The following GLG1 variants were observed in gnomAD, a reference collection of about 807,000 sequenced individuals.
GLG1 encodes golgi glycoprotein 1, also known as Golgi apparatus protein 1.
Under a neutral mutation model 160.5 loss-of-function variants are expected in GLG1, and 38 were observed. The observed-to-expected ratio is 0.24, with a 90% confidence interval of 0.18 to 0.31. The LOEUF (loss-of-function observed/expected upper bound fraction) is 0.31. Among genes scored for constraint, GLG1 ranks in the 10% least tolerant of loss-of-function variants. The pLI, the probability that GLG1 is intolerant of heterozygous loss-of-function variation, is 1.00. For synonymous variants in GLG1, 644 were observed against 543.4 expected, an observed-to-expected ratio of 1.19 and a Z score of -2.57; for missense variants, 1,373 against 1,505.2, an observed-to-expected ratio of 0.91 and a Z score of 1.45.
intron 1 of GLG1, among the ~76,000 whole-genome samples, chr16:74,592,301 C>T (rs761684725): frequency 6.6e-6 from 1 of 152,184 alleles, no homozygotes; most frequent in Non-Finnish European, 1.5e-5. Flanking sequence ...TGCCACCACA[C>T]CTTGCTGATT....
chr16:74,523,406 T>C (rs2017234305), intron 2 of GLG1, among the ~76,000 whole-genome samples: 1 of 152,166 alleles, frequency 6.6e-6, no homozygotes. Flanking sequence ...TGCTTGGTTC[T>C]TCAAGATCGC....
At chr16:74,568,388 G>A (rs936352833) in intron 1 of GLG1, among the ~76,000 whole-genome samples, 4 of 124,506 alleles carry the variant, frequency 3.2e-5, no homozygotes, top group Non-Finnish European at 6.5e-5. Flanking sequence ...CTCTGATAAA[G>A]CAGAAAGAAG....
intron 1 of GLG1, among the ~76,000 whole-genome samples, chr16:74,543,366 C>T (rs1167104740): frequency 1.3e-5 from 2 of 152,180 alleles, no homozygotes; most frequent in Non-Finnish European, 2.9e-5. Flanking sequence ...ACTTGGGAGG[C>T]TGAGGTGGAC....
chr16:74,474,543 T>C lies in GLG1; in HGVS notation c.2052+3A>G. On this transcript the variant is annotated splice_donor_region_variant and intron_variant, in intron 13 of 25. Coordinates refer to ENST00000422840, the MANE Select transcript of GLG1 (RefSeq NM_001145667.2). ...TCCAATGAGTAAGCTGCATACCACT[T>C]ACCTCTGATTCTAACTCAGTGAGGT... 2.2e-6 allele frequency: 3 copies of C among 1,383,808 alleles called. No individual in the cohort carries two copies. In the African/African-American group the frequency reaches 4.2e-5, roughly 20 times the overall value. 85.7% of individuals were successfully genotyped at this position (1,383,808 alleles called of 1,614,324 possible).
At chr16:74,580,670 A>G (rs1223428264) in intron 1 of GLG1, among the ~76,000 whole-genome samples, 3 of 152,220 alleles carry the variant, frequency 2.0e-5, no homozygotes, top group Non-Finnish European at 2.9e-5. Flanking sequence ...GAAAATGATA[A>G]AGTAAACTAC....
chr16:74,501,166 C>T lies in GLG1; in HGVS notation c.774+2365G>A, dbSNP rs754397462. ...TAACTGGCTTCAGAAAAGCAAACTACGGGTTTTAGAAAAAGGCAGAGAAGA... is the reference window on the plus strand; with the variant it reads ...TAACTGGCTTCAGAAAAGCAAACTATGGGTTTTAGAAAAAGGCAGAGAAGA... On this transcript the variant is annotated intron_variant, in intron 4 of 25. Coordinates refer to ENST00000422840, the MANE Select transcript of GLG1 (RefSeq NM_001145667.2). 7.9e-5 allele frequency among the ~76,000 whole-genome samples: 12 copies of T among 152,296 alleles called. 1 individual carries two copies. Among genetic ancestry groups the T allele is most frequent in the Admixed American group, 6.5e-5 (1 of 15,294 alleles).
At chr16:74,492,607 T>C (rs2016039427) in intron 7 of GLG1, among the ~76,000 whole-genome samples, 1 of 151,392 alleles carries the variant, frequency 6.6e-6, no homozygotes, top group Non-Finnish European at 1.5e-5. Flanking sequence ...TCACCTAAGT[T>C]TGGGAGTTCG....
chr16:74,503,790 C>T lies in GLG1; in HGVS notation c.559-44G>A, dbSNP rs751963279. 1.1e-5 allele frequency: 13 copies of T among 1,190,076 alleles called. No individual in the cohort carries two copies. The Admixed American group carries it at 1.8e-4, about 16-fold the overall frequency. The allele number at this position is 1,190,076 out of a possible 1,614,324, so 73.7% of individuals were successfully genotyped here. A position where few individuals can be genotyped will look rare whatever the true frequency, so the allele number is the denominator to read the frequency against. The stretch of plus-strand genomic sequence containing the variant: ...CTGTTTTACAAAAGTGTTCCATGCT[C>T]GTATCAAACAATATTTATCAAAGAG... On this transcript the variant is annotated intron_variant, in intron 3 of 25. Transcript: ENST00000422840.
chr16:74,458,726 C>T (rs1005933962), intron 23 of GLG1, among the ~76,000 whole-genome samples: 1 of 152,074 alleles, frequency 6.6e-6, no homozygotes, highest in African/African-American at 2.4e-5. Context: ...CATTTGTTTA[C>T]AAAATGTTCT....
Position 74,601,422 on chromosome 16 carries a change from T to C in GLG1, c.438+5235A>G, listed in dbSNP as rs62051926. Among the ~76,000 whole-genome samples the C allele has an allele frequency of 2.1e-5, 3 of 145,408 alleles. 1 individual carries two copies. Among genetic ancestry groups the C allele is most frequent in the African/African-American group, 7.7e-5 (3 of 38,938 alleles). On this transcript the variant is annotated intron_variant, in intron 1 of 25. Coordinates refer to ENST00000422840, the MANE Select transcript of GLG1 (RefSeq NM_001145667.2). ...CGGCAAGACCTTGTCTCTCTTAAAA[T>C]TAAAAAAAAAAAAAAGTATACCCCA... is the stretch of plus-strand genomic sequence containing the variant.
Position 74,468,766 on chromosome 16 carries a change from T to C in GLG1, c.2436+180A>G, listed in dbSNP as rs930131547. On this transcript the variant is annotated intron_variant, in intron 17 of 25. Coordinates refer to ENST00000422840, the MANE Select transcript of GLG1 (RefSeq NM_001145667.2). Reference sequence around the variant, plus strand: ...ACATGTGGGAAGAAAGGTTTTATCATTCAAAATCAAAAGAATGACACAGGA... The same window carrying C: ...ACATGTGGGAAGAAAGGTTTTATCACTCAAAATCAAAAGAATGACACAGGA... The C allele has an allele frequency of 3.4e-5, 20 of 596,296 alleles. 1 individual carries two copies. Among genetic ancestry groups the C allele is most frequent in the South Asian group, 1.0e-4 (5 of 47,884 alleles). The allele number at this position is 596,296 out of a possible 1,614,324, so 36.9% of individuals were successfully genotyped here. A position where few individuals can be genotyped will look rare whatever the true frequency, so the allele number is the denominator to read the frequency against.
rs1491206560 is a variant in GLG1, at chr16:74,498,468, T to TATATATATA, written c.775-1825_775-1824insTATATATAT. ...AAAAAGTATATATATATATATATATTATATTTTATATATATATTTTATATA... is the reference window on the plus strand; with the variant it reads ...AAAAAGTATATATATATATATATATTATATATATAATATTTTATATATATATTTTATATA... On this transcript the variant is annotated intron_variant, in intron 4 of 25. Transcript: ENST00000422840. 2.7e-3 allele frequency among the ~76,000 whole-genome samples: 79 copies of TATATATATA among 29,666 alleles called. 13 individuals are homozygous for TATATATATA. Among genetic ancestry groups the TATATATATA allele is most frequent in the East Asian group, 4.6e-3 (4 of 866 alleles). 19.5% of individuals were successfully genotyped at this position (29,666 alleles called of 152,430 possible).
At chr16:74,467,072 C>T (rs2015026945) in intron 18 of GLG1, among the ~76,000 whole-genome samples, 1 of 152,146 alleles carries the variant, frequency 6.6e-6, no homozygotes, top group African/African-American at 2.4e-5. Flanking sequence ...ACTGAAACTA[C>T]AGATCATTAC....
At chr16:74,553,595 C>T (rs975962841) in intron 1 of GLG1, among the ~76,000 whole-genome samples, 1 of 151,618 alleles carries the variant, frequency 6.6e-6, no homozygotes, top group Non-Finnish European at 1.5e-5. Flanking sequence ...GCCTCAGCCT[C>T]CCGAGTAGCT....
chr16:74,490,939 AG>A (rs570990028), intron 8 of GLG1, 61 bp downstream of exon 8: 174 of 1,148,798 alleles, frequency 1.5e-4, no homozygotes, highest in Non-Finnish European at 2.2e-4. Flanking sequence ...GGACAGCATC[AG>A]GAAGAGGCTC....
intron 4 of GLG1, among the ~76,000 whole-genome samples, chr16:74,501,809 G>A (rs1597275465): frequency 6.6e-6 from 1 of 152,216 alleles, no homozygotes; most frequent in Admixed American, 6.5e-5. Context: ...TGACTTAAGT[G>A]CTTTTGTGTC....
intron 2 of GLG1, among the ~76,000 whole-genome samples, chr16:74,527,245 CTTTTTTTTTTTT>C (rs71158522): frequency 8.9e-4 from 74 of 83,104 alleles, no homozygotes; most frequent in African/African-American, 3.0e-3. Context: ...TAAGTCAGTT[CTTTTTTTTTTTT>C]TTTTTTTTTG....
intron 4 of GLG1, among the ~76,000 whole-genome samples, chr16:74,498,333 G>A (rs2016272527): frequency 6.8e-6 from 1 of 148,098 alleles, no homozygotes; most frequent in South Asian, 2.2e-4. Flanking sequence ...TCGGGAAGCT[G>A]AGGAAGGAGA....
At chr16:74,474,706 C>T in intron 12 of GLG1, 74 bp from the exon 13 acceptor site, 2 of 788,702 alleles carry the variant, frequency 2.5e-6, no homozygotes, top group South Asian at 1.3e-5. Context: ...ATATCAGCGT[C>T]ATGACACTTC....
Sources: gnomAD v4.1 joint callset for allele counts (sites outside exome capture counted in the v4.1 genomes callset) on GRCh38, gnomAD v4.1.1 for gene constraint, MANE v1.5 for transcripts, NCBI Gene and HGNC (gene_info 2026-07-23, HGNC 2026-07-21) for gene names.